FAT1: variants seen among roughly 807,000 people sequenced by gnomAD.
FAT1 encodes the protein protocadherin Fat 1.
Under a neutral mutation model 329.8 loss-of-function variants are expected in FAT1, and 171 were observed. The ratio of observed to expected loss-of-function variants is 0.52; its 90% confidence interval spans 0.46 to 0.59. The LOEUF (loss-of-function observed/expected upper bound fraction) is 0.59, where lower values mean the gene tolerates loss of function less well. FAT1 is among the 20% of genes least tolerant of loss of function. FAT1 has a pLI of 0.00. For missense variants in FAT1, 5,672 were observed against 5,774.4 expected, an observed-to-expected ratio of 0.98 and a Z score of 0.57; for synonymous variants, 2,233 against 2,228.6, an observed-to-expected ratio of 1.00 and a Z score of -0.06.
intron 3 of FAT1, among the ~76,000 whole-genome samples, chr4:186,663,039 T>C (rs1482431733): frequency 2.0e-5 from 3 of 152,172 alleles, no homozygotes; most frequent in African/African-American, 7.2e-5. Flanking sequence ...GGTTTCACCA[T>C]GTTAGCCAGG....
intron 2 of FAT1, among the ~76,000 whole-genome samples, chr4:186,666,060 T>C (rs1309779268): frequency 7.4e-6 from 1 of 136,008 alleles, no homozygotes; most frequent in Non-Finnish European, 1.6e-5. Flanking sequence ...GGGGGAGGGA[T>C]AGCATTAGGA....
intron 16 of FAT1, among the ~76,000 whole-genome samples, chr4:186,607,613 G>A (rs1376703473): frequency 6.6e-6 from 1 of 151,890 alleles, no homozygotes; most frequent in African/African-American, 2.4e-5. Flanking sequence ...TGGGGTGGAT[G>A]GATGGGTAAG....
intron 5 of FAT1, 44 bp downstream of exon 5, chr4:186,636,541 A>G (rs1560955814): frequency 1.3e-6 from 2 of 1,508,336 alleles, no homozygotes; most frequent in South Asian, 2.6e-5. Context: ...TAAGGTTTAT[A>G]GTCACAACAT....
Position 186,588,248 on chromosome 4 carries a change from T to C in FAT1, c.*344A>G, listed in dbSNP as rs1279342182. Reference sequence around the variant, plus strand: ...AACTATGAAAAATCAAATCTGTACATAAAATTTACAAAAAAAAGAGACAGG... The same window carrying C: ...AACTATGAAAAATCAAATCTGTACACAAAATTTACAAAAAAAAGAGACAGG... On this transcript the variant is annotated 3_prime_UTR_variant, in exon 27 of 27. Transcript: ENST00000441802. 7.6e-6 allele frequency: 2 copies of C among 264,010 alleles called. No homozygotes were observed. Among genetic ancestry groups the C allele is most frequent in the African/African-American group, 4.3e-5 (2 of 46,042 alleles). The allele number at this position is 264,010 out of a possible 1,614,324, so 16.4% of individuals were successfully genotyped here.
At position 186,621,238 on chromosome 4, in the gene FAT1, A is replaced by G. The variant is rs2126523424; in HGVS notation, c.5348T>C (p.Val1783Ala). The change falls in exon 10 of 27, where the codon GTG becomes GCG. Residue 1783 changes from valine to alanine, a missense_variant. Val to Ala is a moderately conservative substitution (Grantham distance 64, BLOSUM62 0). Transcript: ENST00000441802. ...LISESASINS[V>A]VLTDRNVPLV... ...TGGGACATTCCTGTCTGTTAGGACC[A>G]CGCTGTTAATTGAGGCTGATTCACT... The G allele has an allele frequency of 6.2e-7, 1 of 1,614,028 alleles. No homozygotes were observed. The highest frequency in any genetic ancestry group is 1.3e-5 in the African/African-American group (1 of 75,058).
At chr4:186,616,857 A>C (rs1739736818) in intron 11 of FAT1, 148 bp downstream of exon 11, 1 of 647,370 alleles carries the variant, frequency 1.5e-6, no homozygotes, top group African/African-American at 1.9e-5. Flanking sequence ...AAGCTTTTCC[A>C]AGTCTTACCC....
rs1744672400 is a variant in FAT1, at chr4:186,707,234, G to C, written c.2594C>G (p.Thr865Arg). The C allele has an allele frequency of 2.5e-6, 4 of 1,613,812 alleles. No individual in the cohort carries two copies. Among genetic ancestry groups the C allele is most frequent in the Non-Finnish European group, 3.4e-6 (4 of 1,179,894 alleles). Reference sequence around the variant, plus strand: ...CACGCTGTCAATTGAAAATGTGTCTGTGTCTGTAACAATTGAGTACGTCAC... The same window carrying C: ...CACGCTGTCAATTGAAAATGTGTCTCTGTCTGTAACAATTGAGTACGTCAC... Reference protein sequence around the residue: ...GHVTYSIVTDTDTFSIDSVTG... With the variant: ...GHVTYSIVTDRDTFSIDSVTG... Residue 865 changes from threonine to arginine, a missense_variant, in exon 2 of 27, where the codon ACA becomes AGA. Physicochemically the swap from Thr to Arg is moderately conservative, Grantham distance 71 (BLOSUM62 -1). Transcript: ENST00000441802.
chr4:186,667,847 G>T (rs999496720), intron 2 of FAT1, among the ~76,000 whole-genome samples: 8 of 152,192 alleles, frequency 5.3e-5, no homozygotes, highest in African/African-American at 1.9e-4. Flanking sequence ...CAGCTAACTG[G>T]TGGGATCCGG....
intron 3 of FAT1, among the ~76,000 whole-genome samples, chr4:186,640,838 G>A (rs769782401): frequency 4.6e-5 from 7 of 152,060 alleles, no homozygotes; most frequent in East Asian, 3.9e-4. Flanking sequence ...CTAAAATGTC[G>A]TCCCCAATCT....
Position 186,613,122 on chromosome 4 carries a change from T to C in FAT1, c.9450A>G (p.Thr3150=), listed in dbSNP as rs1287941449. 7 of 1,610,574 alleles carry C rather than the reference T, an allele frequency of 4.3e-6. No homozygotes were observed. Among genetic ancestry groups the C allele is most frequent in the Admixed American group, 1.7e-5 (1 of 60,022 alleles). ...CCCGGGAGATACCTGCGTCGGCATC[T>C]GTGGCCTGCACTCTTGTCAGCAGCG... ...PGTLLTRVQA[T]DADAGLNRKI... The change falls in exon 13 of 27, where the codon ACA becomes ACG. Residue 3150 remains threonine (T), a synonymous_variant. Transcript: ENST00000441802.
intron 2 of FAT1, among the ~76,000 whole-genome samples, chr4:186,699,899 CG>C (rs1187742542): frequency 1.3e-5 from 2 of 152,264 alleles, no homozygotes; most frequent in Non-Finnish European, 2.9e-5. Flanking sequence ...TAGTTGTACA[CG>C]GTAGGTAATA....
intron 20 of FAT1, chr4:186,601,671 A>G: frequency 2.9e-6 from 1 of 344,004 alleles, no homozygotes; most frequent in Non-Finnish European, 5.2e-6. Flanking sequence ...GTAATGAAAG[A>G]TTAAATATAA....
At chr4:186,715,880 A>G (rs1745184879) in intron 1 of FAT1, among the ~76,000 whole-genome samples, 1 of 152,362 alleles carries the variant, frequency 6.6e-6, no homozygotes, top group South Asian at 2.1e-4. Flanking sequence ...TACGGCAGAA[A>G]AATAACTTTT....
At chr4:186,660,429 G>C (rs542661767) in intron 3 of FAT1, among the ~76,000 whole-genome samples, 2 of 152,308 alleles carry the variant, frequency 1.3e-5, no homozygotes, top group East Asian at 3.9e-4. Context: ...GACTTTAGGT[G>C]ATCTGTGGAA....
chr4:186,635,914 G>T (rs561927668), intron 6 of FAT1, 111 bp downstream of exon 6: 1 of 897,632 alleles, frequency 1.1e-6, no homozygotes, highest in South Asian at 1.8e-5. Context: ...TCCACCTGTC[G>T]ATCTTATTCC....
chr4:186,713,859 G>C (rs1415463197), intron 1 of FAT1, among the ~76,000 whole-genome samples: 2 of 152,056 alleles, frequency 1.3e-5, no homozygotes, highest in Admixed American at 6.6e-5. Context: ...GCTCATGTTT[G>C]TATTTTTTAT....
chr4:186,619,508 C>G lies in FAT1; in HGVS notation c.7078G>C (p.Val2360Leu). The G allele has an allele frequency of 6.2e-7, 1 of 1,613,944 alleles. No homozygotes were observed. The highest frequency in any genetic ancestry group is 1.1e-5 in the South Asian group (1 of 91,074). The change falls in exon 10 of 27, where the codon GTG (valine) becomes CTG (leucine). Residue 2360 changes from valine (V) to leucine (L), a missense_variant. Val to Leu is a conservative substitution (Grantham distance 32, BLOSUM62 1). Around this residue, in one of 2 missense-constraint regions of FAT1, gnomAD observed 3,966 missense variants for 3,915.2 expected, o/e 1.01. Transcript: ENST00000441802. ...GGCATACCACCATCAACTGCCCTCA[C>G]AAAAATCGTGTGCTGCCGGGACTGC... ...YEQSRQHTIF[V>L]RAVDGGMPTL...
At chr4:186,719,350 G>A (rs75898665) in intron 1 of FAT1, among the ~76,000 whole-genome samples, 2,105 of 152,236 alleles carry the variant, frequency 0.014, 52 homozygotes, top group African/African-American at 0.048. Flanking sequence ...GGTTGAGAAC[G>A]TCTTTAAAAT....
chr4:186,599,429 A>G (rs1188489440), intron 22 of FAT1, among the ~76,000 whole-genome samples: 1 of 152,202 alleles, frequency 6.6e-6, no homozygotes, highest in Non-Finnish European at 1.5e-5. Flanking sequence ...TTCAAGACAG[A>G]CAGATATGGC....
Sources: gnomAD v4.1 joint callset for allele counts (sites outside exome capture counted in the v4.1 genomes callset) on GRCh38, gnomAD v4.1.1 for gene constraint, gnomAD v4.1.1 regional missense constraint, MANE v1.5 for transcripts, NCBI Gene and HGNC (gene_info 2026-07-23, HGNC 2026-07-21) for gene names.